GRIK4: variants seen among roughly 807,000 people sequenced by gnomAD.
The protein encoded by GRIK4 is glutamate ionotropic receptor kainate type subunit 4.
In GRIK4, 40 loss-of-function variants were observed where a neutral mutation model predicts 104.9. That is an observed-to-expected ratio of 0.38 (90% CI 0.30 to 0.50). The LOEUF (loss-of-function observed/expected upper bound fraction) is 0.50, where lower values mean the gene tolerates loss of function less well. Among genes scored for constraint, GRIK4 ranks in the 20% least tolerant of loss-of-function variants. GRIK4 has a pLI of 0.93. For missense variants in GRIK4, 1,047 were observed against 1,308.1 expected, an observed-to-expected ratio of 0.80 and a Z score of 3.08; for synonymous variants, 485 against 524.9, an observed-to-expected ratio of 0.92 and a Z score of 1.04.
intron 1 of GRIK4, among the ~76,000 whole-genome samples, chr11:120,579,224 A>T (rs999921801): frequency 8.1e-6 from 1 of 123,602 alleles, no homozygotes; most frequent in African/African-American, 2.7e-5. Flanking sequence ...ACGACAAAAT[A>T]ACCCCCCCCC....
At chr11:120,781,421 G>A (rs2135474054) in intron 3 of GRIK4, among the ~76,000 whole-genome samples, 1 of 152,162 alleles carries the variant, frequency 6.6e-6, no homozygotes, top group African/African-American at 2.4e-5. Context: ...TGCAACCTTG[G>A]CTCACTACAG....
intron 19 of GRIK4, among the ~76,000 whole-genome samples, chr11:120,975,397 C>T (rs565894161): frequency 8.5e-5 from 13 of 152,276 alleles, no homozygotes; most frequent in Admixed American, 7.8e-4. Context: ...CAGAGAGATG[C>T]TGTGGAGGAA....
chr11:120,921,823 G>A (rs749741022), intron 13 of GRIK4, among the ~76,000 whole-genome samples: 5 of 152,176 alleles, frequency 3.3e-5, no homozygotes, highest in Non-Finnish European at 7.3e-5. Context: ...AAGTTGCAGC[G>A]ACTCCTTGCT....
intron 4 of GRIK4, among the ~76,000 whole-genome samples, chr11:120,803,108 T>C (rs1273116525): frequency 6.6e-6 from 1 of 152,218 alleles, no homozygotes; most frequent in Non-Finnish European, 1.5e-5. Context: ...CACTCATTCA[T>C]TGCTTCATAT....
At chr11:120,712,275 T>C (rs924161633) in intron 3 of GRIK4, among the ~76,000 whole-genome samples, 1 of 151,742 alleles carries the variant, frequency 6.6e-6, no homozygotes, top group Non-Finnish European at 1.5e-5. Context: ...GGGGCGAGGG[T>C]TGGGAAGAGA....
intron 3 of GRIK4, among the ~76,000 whole-genome samples, chr11:120,731,933 A>T (rs1951138644): frequency 6.6e-6 from 1 of 150,390 alleles, no homozygotes; most frequent in Non-Finnish European, 1.5e-5. Flanking sequence ...GTTTGTTTGG[A>T]TCTTCTTTCT....
chr11:120,516,914 G>A (rs950399101), intron 1 of GRIK4, among the ~76,000 whole-genome samples: 9 of 152,074 alleles, frequency 5.9e-5, no homozygotes, highest in African/African-American at 1.9e-4. Flanking sequence ...CACCCTGGGC[G>A]GCGGCTGCTG....
At chr11:120,778,853 C>T (rs1184636033) in intron 3 of GRIK4, among the ~76,000 whole-genome samples, 1 of 152,186 alleles carries the variant, frequency 6.6e-6, no homozygotes, top group African/African-American at 2.4e-5. Context: ...TCTGAAGTGC[C>T]AGACAATAAG....
intron 11 of GRIK4, among the ~76,000 whole-genome samples, chr11:120,891,320 G>A (rs1399843287): frequency 1.3e-5 from 2 of 152,228 alleles, no homozygotes; most frequent in Non-Finnish European, 2.9e-5. Flanking sequence ...TACACACCAG[G>A]CACTGTGCTA....
chr11:120,890,131 T>G (rs922817240), intron 11 of GRIK4, among the ~76,000 whole-genome samples: 1 of 152,174 alleles, frequency 6.6e-6, no homozygotes, highest in African/African-American at 2.4e-5. Flanking sequence ...AATGGTACCA[T>G]TATCTTATGT....
At chr11:120,848,926 A>T (rs1953912714) in intron 8 of GRIK4, among the ~76,000 whole-genome samples, 1 of 152,146 alleles carries the variant, frequency 6.6e-6, no homozygotes, top group Non-Finnish European at 1.5e-5. Flanking sequence ...ATTGCCAGGA[A>T]GTCAATAGAA....
intron 13 of GRIK4, among the ~76,000 whole-genome samples, chr11:120,924,158 G>A (rs1047299081): frequency 2.6e-5 from 4 of 152,198 alleles, no homozygotes; most frequent in African/African-American, 9.7e-5. Flanking sequence ...TCATCCAAAT[G>A]AGAATGAAAA....
At chr11:120,693,921 T>C (rs1950403335) in intron 3 of GRIK4, among the ~76,000 whole-genome samples, 1 of 152,134 alleles carries the variant, frequency 6.6e-6, no homozygotes, top group South Asian at 2.1e-4. Flanking sequence ...GACAAGGGCG[T>C]CACCTTTTCT....
In GRIK4 at chr11:120,628,980, G is replaced by A. The variant is rs151230525; in HGVS notation, c.-158-24705G>A. On this transcript the variant is annotated intron_variant, in intron 1 of 20. Transcript: ENST00000527524. ...GCGTCTGCTGCCCTCCTAGGAACTCGCAGTCTAGTCAGGGAGATGAAATCA... is the reference window on the plus strand; with the variant it reads ...GCGTCTGCTGCCCTCCTAGGAACTCACAGTCTAGTCAGGGAGATGAAATCA... 7.2e-5 allele frequency among the ~76,000 whole-genome samples: 11 copies of A among 152,302 alleles called. No individual in the cohort carries two copies. In the South Asian group the frequency reaches 1.7e-3, roughly 23 times the overall value.
intron 2 of GRIK4, among the ~76,000 whole-genome samples, chr11:120,658,594 C>CCTGAT (rs1482182978): frequency 4.6e-5 from 7 of 151,948 alleles, no homozygotes; most frequent in Non-Finnish European, 4.4e-5. Flanking sequence ...ATTTCATTTT[C>CCTGAT]CTGATGCTTA....
At chr11:120,886,042 A>G (rs1037843678) in intron 11 of GRIK4, among the ~76,000 whole-genome samples, 1 of 152,262 alleles carries the variant, frequency 6.6e-6, no homozygotes, top group Non-Finnish European at 1.5e-5. Flanking sequence ...CAAGCTACAC[A>G]TTCGAGAGCA....
intron 11 of GRIK4, among the ~76,000 whole-genome samples, chr11:120,897,915 A>G (rs538084673): frequency 2.6e-5 from 4 of 152,090 alleles, no homozygotes; most frequent in Non-Finnish European, 5.9e-5. Flanking sequence ...TGGCACATAC[A>G]TGAGAAGCTC....
intron 3 of GRIK4, among the ~76,000 whole-genome samples, chr11:120,749,355 G>C (rs1182657662): frequency 6.6e-6 from 1 of 152,194 alleles, no homozygotes; most frequent in Non-Finnish European, 1.5e-5. Context: ...AGGGCACCAT[G>C]GGCAGGTGTC....
intron 19 of GRIK4, among the ~76,000 whole-genome samples, chr11:120,979,195 A>T (rs1453748865): frequency 6.6e-6 from 1 of 152,242 alleles, no homozygotes; most frequent in Non-Finnish European, 1.5e-5. Flanking sequence ...AAATGAAGAC[A>T]TGTTTAATTA....
Sources: allele counts gnomAD v4.1 joint callset (sites outside exome capture counted in the v4.1 genomes callset), GRCh38; gene constraint gnomAD v4.1.1; transcripts MANE v1.5; gene names NCBI Gene and HGNC (gene_info 2026-07-23, HGNC 2026-07-21).